ERBB4: variants seen among roughly 807,000 people sequenced by gnomAD.
The protein encoded by ERBB4 is erb-b2 receptor tyrosine kinase 4, also known as receptor tyrosine-protein kinase erbB-4.
ERBB4 carries 42 observed loss-of-function variants against 158.0 expected under a neutral mutation model. The ratio of observed to expected loss-of-function variants is 0.27; its 90% CI spans 0.21 to 0.34. The LOEUF (loss-of-function observed/expected upper bound fraction) is 0.34. ERBB4 is among the 10% of genes least tolerant of loss of function. The pLI is 1.00. For missense variants in ERBB4, 1,333 were observed against 1,624.1 expected, an observed-to-expected ratio of 0.82 and a Z score of 3.08; for synonymous variants, 583 against 558.7, an observed-to-expected ratio of 1.04 and a Z score of -0.61.
At chr2:212,391,665 T>TG (rs1178698926) in intron 1 of ERBB4, among the ~76,000 whole-genome samples, 14 of 137,970 alleles carry the variant, frequency 1.0e-4, no homozygotes, top group South Asian at 4.5e-4. Context: ...ATATTATGTA[T>TG]TATATTTTAT....
At chr2:212,191,739 GTTACATATAACACGTGTTA>G (rs1559703902) in intron 1 of ERBB4, among the ~76,000 whole-genome samples, 5 of 144,784 alleles carry the variant, frequency 3.5e-5, no homozygotes, top group African/African-American at 1.0e-4. Flanking sequence ...TGTTATACAT[GTTACATATAACACGTGTTA>G]TACATGTTAT....
chr2:212,499,717 A>G (rs778214374), intron 1 of ERBB4, among the ~76,000 whole-genome samples: 2 of 152,144 alleles, frequency 1.3e-5, no homozygotes, highest in Non-Finnish European at 2.9e-5. Context: ...TTCCCTTGGC[A>G]GAGAGGAGAA....
At chr2:212,410,567 G>T (rs2091467564) in intron 1 of ERBB4, among the ~76,000 whole-genome samples, 1 of 152,034 alleles carries the variant, frequency 6.6e-6, no homozygotes, top group African/African-American at 2.4e-5. Flanking sequence ...TGAAATGCAT[G>T]TGTGTTCTCA....
intron 6 of ERBB4, among the ~76,000 whole-genome samples, chr2:211,723,845 A>G (rs1334791069): frequency 6.6e-6 from 1 of 152,196 alleles, no homozygotes; most frequent in African/African-American, 2.4e-5. Context: ...AACTTACACC[A>G]AGGCCTTAGT....
chr2:211,952,259 T>C (rs1029992600), intron 2 of ERBB4, among the ~76,000 whole-genome samples: 1 of 152,076 alleles, frequency 6.6e-6, no homozygotes, highest in Non-Finnish European at 1.5e-5. Flanking sequence ...GAAACTCCAG[T>C]GCAGATCATG....
At chr2:212,332,482 T>C (rs2088224568) in intron 1 of ERBB4, among the ~76,000 whole-genome samples, 1 of 152,082 alleles carries the variant, frequency 6.6e-6, no homozygotes, top group South Asian at 2.1e-4. Context: ...AGGGCAGTAA[T>C]CATGCCACTA....
chr2:212,261,114 C>G lies in ERBB4; in HGVS notation c.83-136211G>C, dbSNP rs2084928884. 2.6e-5 allele frequency among the ~76,000 whole-genome samples: 4 copies of G among 152,102 alleles called. No homozygotes were observed. The South Asian group carries it at 8.3e-4, about 32-fold the overall frequency. The stretch of plus-strand genomic sequence containing the variant: ...CTTCCTCCCTGCAAGATGAGAAGTC[C>G]CACCTGAATGTTCTCAAAAAGTCTT... On this transcript the variant is annotated intron_variant, in intron 1 of 27. Transcript: ENST00000342788.
chr2:212,010,740 A>T (rs2076366292), intron 2 of ERBB4, among the ~76,000 whole-genome samples: 1 of 152,158 alleles, frequency 6.6e-6, no homozygotes, highest in Non-Finnish European at 1.5e-5. Flanking sequence ...CACCCTAGTA[A>T]GCCTGAGGGT....
intron 1 of ERBB4, among the ~76,000 whole-genome samples, chr2:212,369,618 T>C (rs910416569): frequency 5.3e-5 from 8 of 152,178 alleles, no homozygotes; most frequent in Non-Finnish European, 8.8e-5. Context: ...TTGTTTACTT[T>C]AATCCATCAG....
chr2:212,368,231 G>T (rs944862303), intron 1 of ERBB4, among the ~76,000 whole-genome samples: 3 of 152,114 alleles, frequency 2.0e-5, no homozygotes, highest in Non-Finnish European at 4.4e-5. Flanking sequence ...ACATACAATG[G>T]AATACTACAG....
chr2:211,448,684 A>G (rs1452865519), intron 20 of ERBB4, among the ~76,000 whole-genome samples: 1 of 152,148 alleles, frequency 6.6e-6, no homozygotes, highest in Admixed American at 6.5e-5. Flanking sequence ...ATGCATTACA[A>G]CCCCATCAAT....
chr2:211,709,583 T>G (rs1012236067), intron 9 of ERBB4, among the ~76,000 whole-genome samples: 2 of 152,026 alleles, frequency 1.3e-5, no homozygotes, highest in Non-Finnish European at 2.9e-5. Context: ...GGAGAGCTGT[T>G]TCAGTTGTAA....
chr2:212,193,346 G>T (rs1444629594), intron 1 of ERBB4, among the ~76,000 whole-genome samples: 2 of 151,990 alleles, frequency 1.3e-5, no homozygotes, highest in East Asian at 3.9e-4. Flanking sequence ...TTTTCCATTT[G>T]GGGAAATGCA....
At chr2:212,202,139 A>G (rs2082604606) in intron 1 of ERBB4, among the ~76,000 whole-genome samples, 1 of 152,174 alleles carries the variant, frequency 6.6e-6, no homozygotes, top group African/African-American at 2.4e-5. Context: ...AAGCAAATAC[A>G]TCATTCTCCC....
intron 1 of ERBB4, among the ~76,000 whole-genome samples, chr2:212,537,892 G>T (rs1693187001): frequency 6.6e-6 from 1 of 152,124 alleles, no homozygotes; most frequent in Admixed American, 6.5e-5. Flanking sequence ...CCGGCTGCCC[G>T]GGCTGGGCGC....
At chr2:211,649,325 G>A (rs984099716) in intron 16 of ERBB4, among the ~76,000 whole-genome samples, 3 of 151,794 alleles carry the variant, frequency 2.0e-5, no homozygotes, top group Non-Finnish European at 1.5e-5. Flanking sequence ...TCACAGTGTA[G>A]CATACCTGAT....
intron 20 of ERBB4, among the ~76,000 whole-genome samples, chr2:211,477,374 C>T (rs1473514192): frequency 6.6e-6 from 1 of 151,996 alleles, no homozygotes; most frequent in East Asian, 1.9e-4. Context: ...GGTTTTATTT[C>T]TCTGTGTTGG....
intron 19 of ERBB4, among the ~76,000 whole-genome samples, chr2:211,612,611 A>G (rs1296355231): frequency 6.6e-6 from 1 of 152,010 alleles, no homozygotes; most frequent in African/African-American, 2.4e-5. Flanking sequence ...GTGGAAAGAA[A>G]GTCAGTGAAG....
intron 3 of ERBB4, among the ~76,000 whole-genome samples, chr2:211,813,284 G>T (rs1287323697): frequency 6.6e-6 from 1 of 152,174 alleles, no homozygotes; most frequent in Non-Finnish European, 1.5e-5. Context: ...GTGTATAATG[G>T]AATTCTCTGA....
Sources: gnomAD v4.1 joint callset for allele counts (sites outside exome capture counted in the v4.1 genomes callset) on GRCh38, gnomAD v4.1.1 for gene constraint, MANE v1.5 for transcripts, NCBI Gene and HGNC (gene_info 2026-07-23, HGNC 2026-07-21) for gene names.